PLCL1: variants seen among roughly 807,000 people sequenced by gnomAD.
PLCL1 encodes inactive phospholipase C-like protein 1.
Under a neutral mutation model 84.4 loss-of-function variants are expected in PLCL1, and 41 were observed. The observed-to-expected ratio is 0.49, with a 90% CI of 0.38 to 0.63. The LOEUF is 0.63. Ranked by LOEUF, PLCL1 falls within the 30% of genes least tolerant of loss-of-function variation. The probability of loss-of-function intolerance (pLI) is 0.00; values close to 1 mark genes in which losing one functional copy is unlikely to be tolerated. For synonymous variants in PLCL1, 490 were observed against 488.3 expected (o/e 1.00, Z -0.05); for missense variants, 1,206 against 1,367.8 (o/e 0.88, Z 1.87).
chr2:198,127,015 GGGT>G lies in PLCL1; in HGVS notation c.3106-19760_3106-19758del, dbSNP rs200567556. ...GAGTGTGTGTGTGTGTGTGTGTGGG[GGGT>G]GGTGTATTCTTAGTCCCTTTTACAC... On this transcript the variant is annotated intron_variant, in intron 5 of 5. Coordinates refer to ENST00000428675, the MANE Select transcript of PLCL1 (RefSeq NM_006226.4). 1.9e-3 allele frequency among the ~76,000 whole-genome samples: 213 copies of G among 114,446 alleles called. 1 individual carries two copies. Among genetic ancestry groups the G allele is most frequent in the African/African-American group, 5.3e-3 (145 of 27,166 alleles). The allele number at this position is 114,446 out of a possible 152,430, so 75.1% of individuals were successfully genotyped here.
Position 198,081,019 on chromosome 2 carries a change from G to T in PLCL1, c.241-2739G>T, listed in dbSNP as rs761978944. ...GCAGAGAAGAGCCTTGTAAGAGAAA[G>T]CTATTCTGACATGAGTGGTTTTGTT... On this transcript the variant is annotated intron_variant, in intron 1 of 5. Transcript: ENST00000428675. Among the ~76,000 whole-genome samples the T allele has an allele frequency of 9.9e-5, 15 of 152,176 alleles. 1 individual carries two copies. The highest frequency in any genetic ancestry group is 1.8e-4 in the Non-Finnish European group (12 of 68,028).
chr2:197,918,971 T>TCTCTCTCTCTCTCTCTCTCTCACA (rs373512508), intron 1 of PLCL1, among the ~76,000 whole-genome samples: 1 of 144,552 alleles, frequency 6.9e-6, no homozygotes, highest in African/African-American at 2.5e-5. Flanking sequence ...TCTCTCTCCC[T>TCTCTCTCTCTCTCTCTCTCTCACA]CACACACACA....
intron 1 of PLCL1, among the ~76,000 whole-genome samples, chr2:198,037,052 C>T (rs1325942562): frequency 6.6e-6 from 1 of 152,170 alleles, no homozygotes; most frequent in African/African-American, 2.4e-5. Context: ...GATCCTTATC[C>T]TCCATTACAC....
Position 197,948,594 on chromosome 2 carries a change from T to C in PLCL1, c.241-135164T>C, listed in dbSNP as rs376281597. 2.6e-5 allele frequency among the ~76,000 whole-genome samples: 4 copies of C among 152,278 alleles called. No homozygotes were observed. The South Asian group carries it at 8.3e-4, about 32-fold the overall frequency. ...GTAAATAGAATCAGAGTAGGAACTTTCTAGAGGTTTAAACCTGTGAGCATA... is the reference window on the plus strand; with the variant it reads ...GTAAATAGAATCAGAGTAGGAACTTCCTAGAGGTTTAAACCTGTGAGCATA... On this transcript the variant is annotated intron_variant, in intron 1 of 5. Transcript: ENST00000428675.
At chr2:198,007,306 T>C (rs941071193) in intron 1 of PLCL1, among the ~76,000 whole-genome samples, 1 of 152,184 alleles carries the variant, frequency 6.6e-6, no homozygotes, top group South Asian at 2.1e-4. Context: ...AACTAAAAAT[T>C]GAGTCAAAAT....
At chr2:197,947,424 G>T (rs750537895) in intron 1 of PLCL1, among the ~76,000 whole-genome samples, 6 of 151,956 alleles carry the variant, frequency 3.9e-5, no homozygotes, top group African/African-American at 1.5e-4. Context: ...TTCAGGTGCC[G>T]CTGCTGCTGC....
intron 1 of PLCL1, among the ~76,000 whole-genome samples, chr2:197,858,442 T>G (rs987774803): frequency 1.3e-5 from 2 of 152,204 alleles, no homozygotes; most frequent in Non-Finnish European, 2.9e-5. Context: ...ATTTTTCCTC[T>G]ATCGCGTTCT....
rs933860617 is a variant in PLCL1 at position 198,116,737 on chromosome 2, C to A, written c.3105+12801C>A. The stretch of plus-strand genomic sequence containing the variant: ...TAATATTATGGAAAGGTTAACAAGT[C>A]GTTATGTAGAAGCTCCAGGGTTTCA... On this transcript the variant is annotated intron_variant, in intron 5 of 5. Transcript: ENST00000428675. Among the ~76,000 whole-genome samples, 4 of 151,782 alleles carry A rather than the reference C, an allele frequency of 2.6e-5. No homozygotes were observed. The East Asian group carries it at 7.8e-4, about 30-fold the overall frequency.
At chr2:198,018,985 C>T (rs551602819) in intron 1 of PLCL1, among the ~76,000 whole-genome samples, 86 of 152,272 alleles carry the variant, frequency 5.6e-4, no homozygotes, top group African/African-American at 1.9e-3. Context: ...AGGGGAGTTC[C>T]GGCTGGCATC....
intron 1 of PLCL1, among the ~76,000 whole-genome samples, chr2:197,833,460 G>T (rs1047103414): frequency 2.6e-5 from 4 of 152,154 alleles, no homozygotes; most frequent in Non-Finnish European, 5.9e-5. Context: ...TCCTTAACCT[G>T]CTAAGCAACC....
At chr2:197,974,926 G>A (rs1315799704) in intron 1 of PLCL1, among the ~76,000 whole-genome samples, 1 of 151,990 alleles carries the variant, frequency 6.6e-6, no homozygotes, top group East Asian at 1.9e-4. Context: ...TGGATCATGA[G>A]GTCAGGAGAT....
At chr2:197,923,375 G>A (rs1460570231) in intron 1 of PLCL1, among the ~76,000 whole-genome samples, 1 of 146,296 alleles carries the variant, frequency 6.8e-6, no homozygotes, top group Non-Finnish European at 1.5e-5. Flanking sequence ...GCAGCTGCCG[G>A]TCGGAGGGTC....
At position 198,076,939 on chromosome 2, in the gene PLCL1, A is replaced by G. The variant is rs567558892; in HGVS notation, c.241-6819A>G. 9.3e-4 allele frequency among the ~76,000 whole-genome samples: 142 copies of G among 152,346 alleles called. 1 individual carries two copies. The highest frequency in any genetic ancestry group is 2.8e-3 in the African/African-American group (117 of 41,588). On this transcript the variant is annotated intron_variant, in intron 1 of 5. Coordinates refer to ENST00000428675, the MANE Select transcript of PLCL1 (RefSeq NM_006226.4). ...CAGAACACTTAACTGCCAAACATGG[A>G]TGTGATTTTGAGCATAGGCCCATTG...
intron 5 of PLCL1, among the ~76,000 whole-genome samples, chr2:198,138,842 C>A (rs751955755): frequency 2.0e-5 from 3 of 152,076 alleles, no homozygotes; most frequent in African/African-American, 7.2e-5. Context: ...AGAACAATGA[C>A]CTTTGGAGTA....
intron 1 of PLCL1, among the ~76,000 whole-genome samples, chr2:197,931,669 C>G (rs1375151184): frequency 1.8e-5 from 2 of 108,500 alleles, no homozygotes; most frequent in African/African-American, 6.9e-5. Flanking sequence ...ACCAACCAAC[C>G]AACCAACCAC....
At chr2:197,822,438 C>A (rs898080676) in intron 1 of PLCL1, among the ~76,000 whole-genome samples, 1 of 152,172 alleles carries the variant, frequency 6.6e-6, no homozygotes, top group East Asian at 1.9e-4. Context: ...TCTCACATGA[C>A]AGCTCTTGAC....
intron 1 of PLCL1, among the ~76,000 whole-genome samples, chr2:198,044,766 C>T (rs1159465484): frequency 6.6e-6 from 1 of 152,144 alleles, no homozygotes; most frequent in Non-Finnish European, 1.5e-5. Flanking sequence ...GATAGTCACT[C>T]TTCACCTATT....
chr2:197,864,343 CTCTT>C (rs1295316694), intron 1 of PLCL1, among the ~76,000 whole-genome samples: 2 of 150,384 alleles, frequency 1.3e-5, no homozygotes, highest in African/African-American at 4.9e-5. Flanking sequence ...CTCATGTCAA[CTCTT>C]TCTTTTTTTT....
intron 1 of PLCL1, among the ~76,000 whole-genome samples, chr2:197,893,421 T>C (rs1688069190): frequency 6.6e-6 from 1 of 152,190 alleles, no homozygotes; most frequent in Non-Finnish European, 1.5e-5. Flanking sequence ...ACTAAATATA[T>C]ATACAGGGAG....
Sources: gnomAD v4.1 joint callset for allele counts (sites outside exome capture counted in the v4.1 genomes callset) on GRCh38, gnomAD v4.1.1 for gene constraint, MANE v1.5 for transcripts, NCBI Gene and HGNC (gene_info 2026-07-23, HGNC 2026-07-21) for gene names.